Variants in MYH10 observed in about 807,000 individuals in gnomAD.
The protein encoded by MYH10 is myosin heavy chain 10.
In MYH10, 55 loss-of-function variants were observed where a neutral mutation model predicts 257.8. The ratio of observed to expected loss-of-function variants is 0.21; its 90% confidence interval spans 0.17 to 0.27. MYH10 has a LOEUF of 0.27. Among genes scored for constraint, MYH10 ranks in the 10% least tolerant of loss-of-function variants. The probability of loss-of-function intolerance (pLI) is 1.00; values close to 1 mark genes in which losing one functional copy is unlikely to be tolerated. For missense variants in MYH10, 1,631 were observed against 2,500.6 expected (o/e 0.65, Z 7.42); for synonymous variants, 854 against 921.7 (o/e 0.93, Z 1.33).
At chr17:8,609,901 GT>G (rs1360493770) in intron 2 of MYH10, among the ~76,000 whole-genome samples, 2 of 150,814 alleles carry the variant, frequency 1.3e-5, no homozygotes, top group Non-Finnish European at 3.0e-5. Flanking sequence ...AAAACACTCT[GT>G]AAAAAAAAAA....
chr17:8,566,297 C>G (rs1202988098), intron 7 of MYH10, among the ~76,000 whole-genome samples: 2 of 152,176 alleles, frequency 1.3e-5, no homozygotes, highest in African/African-American at 4.8e-5. Context: ...ATGATCCCCA[C>G]CTCTGGTATT....
chr17:8,487,702 T>C (rs1285509489), intron 35 of MYH10, 108 bp from the exon 36 acceptor site: 1 of 1,239,820 alleles, frequency 8.1e-7, no homozygotes, highest in Non-Finnish European at 1.1e-6. Context: ...AGTGGAAACT[T>C]CTGTTACTCT....
At chr17:8,505,345 G>A (rs1356734347) in intron 27 of MYH10, among the ~76,000 whole-genome samples, 1 of 152,236 alleles carries the variant, frequency 6.6e-6, no homozygotes, top group East Asian at 1.9e-4. Context: ...GTAGAAGAAA[G>A]AGGCTCTCAT....
At position 8,508,626 on chromosome 17, in the gene MYH10, C is replaced by T. The variant is rs2081155439; in HGVS notation, c.3142G>A (p.Glu1048Lys). 1 of 1,614,098 alleles carries T rather than the reference C, an allele frequency of 6.2e-7. No homozygotes were observed. Among genetic ancestry groups the T allele is most frequent in the Non-Finnish European group, 8.5e-7 (1 of 1,180,006 alleles). ...RIAECSSQLA[E>K]EEEKAKNLAK... Reference sequence around the variant, plus strand: ...AAGTTTTTCGCCTTTTCTTCCTCTTCAGCCAGCTGAGAGGAACACTCAGCA... The same window carrying T: ...AAGTTTTTCGCCTTTTCTTCCTCTTTAGCCAGCTGAGAGGAACACTCAGCA... Residue 1048 changes from glutamate to lysine, a missense_variant, in exon 26 of 43, where the codon GAA (glutamate) becomes AAA (lysine). By Grantham distance (56) the Glu-to-Lys change is moderately conservative. Around this residue, in one of 11 missense-constraint regions of MYH10, gnomAD observed 169 missense variants for 249.8 expected, o/e 0.68. Coordinates refer to ENST00000360416, the MANE Select transcript of MYH10 (RefSeq NM_001256012.3).
chr17:8,557,272 G>A (rs143379543), intron 7 of MYH10, among the ~76,000 whole-genome samples: 126 of 152,156 alleles, frequency 8.3e-4, no homozygotes, highest in Non-Finnish European at 1.5e-3. Context: ...TCAATATTAT[G>A]AGCATTCATT....
At chr17:8,594,918 T>C (rs2084304069) in intron 3 of MYH10, among the ~76,000 whole-genome samples, 1 of 152,220 alleles carries the variant, frequency 6.6e-6, no homozygotes, top group Admixed American at 6.5e-5. Context: ...CATCCATTAT[T>C]TTCCCCAATC....
chr17:8,557,766 C>A (rs2082855642), intron 7 of MYH10, among the ~76,000 whole-genome samples: 1 of 152,176 alleles, frequency 6.6e-6, no homozygotes, highest in Non-Finnish European at 1.5e-5. Flanking sequence ...ACTGATGCTA[C>A]ATAAGTTATC....
intron 30 of MYH10, among the ~76,000 whole-genome samples, chr17:8,498,890 C>A (rs1917097102): frequency 1.3e-5 from 2 of 152,196 alleles, no homozygotes; most frequent in South Asian, 4.2e-4. Flanking sequence ...CTAATTTATA[C>A]CAGCAGTGTA....
chr17:8,576,425 ATAAATAT>A (rs2083499444), intron 6 of MYH10, among the ~76,000 whole-genome samples: 1 of 152,236 alleles, frequency 6.6e-6, no homozygotes, highest in Non-Finnish European at 1.5e-5. Flanking sequence ...AAAAGGGCAA[ATAAATAT>A]TAAAATTTAT....
At chr17:8,555,495 T>C (rs1006361670) in intron 7 of MYH10, among the ~76,000 whole-genome samples, 3 of 152,198 alleles carry the variant, frequency 2.0e-5, no homozygotes, top group African/African-American at 7.2e-5. Flanking sequence ...GTAAGTTAAT[T>C]CATTTCAACA....
intron 3 of MYH10, among the ~76,000 whole-genome samples, chr17:8,596,153 C>CT (rs11347837): frequency 1.1e-3 from 120 of 110,390 alleles, no homozygotes; most frequent in African/African-American, 3.6e-3. Context: ...TATTTTCTGA[C>CT]TTTTTTTTTT....
chr17:8,617,984 C>T (rs2085330309), intron 2 of MYH10, among the ~76,000 whole-genome samples: 1 of 151,924 alleles, frequency 6.6e-6, no homozygotes, highest in Non-Finnish European at 1.5e-5. Flanking sequence ...TTTCATTTTC[C>T]AAAACAAAAG....
At chr17:8,543,303 C>G (rs998852742) in intron 13 of MYH10, among the ~76,000 whole-genome samples, 3 of 152,124 alleles carry the variant, frequency 2.0e-5, no homozygotes, top group Non-Finnish European at 4.4e-5. Flanking sequence ...TGAGGTCATG[C>G]AAGGAGGGCA....
intron 21 of MYH10, among the ~76,000 whole-genome samples, chr17:8,518,029 T>C (rs1774427685): frequency 6.8e-6 from 1 of 147,032 alleles, no homozygotes. Context: ...TGGCCCCGTG[T>C]GTGTGTGTGT....
intron 8 of MYH10, among the ~76,000 whole-genome samples, chr17:8,553,376 T>C (rs917276213): frequency 3.3e-5 from 5 of 152,236 alleles, no homozygotes; most frequent in African/African-American, 1.2e-4. Flanking sequence ...ATCTTTCTAA[T>C]TGGCACACTA....
At chr17:8,576,890 C>G (rs112095120) in intron 5 of MYH10, among the ~76,000 whole-genome samples, 149 of 152,288 alleles carry the variant, frequency 9.8e-4, no homozygotes, top group African/African-American at 3.2e-3. Context: ...ATCACTTCTT[C>G]CCATATCTCT....
chr17:8,551,608 G>T (rs951556131), intron 9 of MYH10, among the ~76,000 whole-genome samples: 4 of 152,084 alleles, frequency 2.6e-5, no homozygotes, highest in African/African-American at 9.7e-5. Context: ...TGTGATCCCT[G>T]ACATTCAATC....
In MYH10 at chr17:8,506,428, G is replaced by A. The variant is rs138732743; in HGVS notation, c.3276C>T (p.Asp1092=). Residue 1092 remains aspartate, a synonymous_variant, in exon 27 of 43, where the codon GAC becomes GAT. Coordinates refer to ENST00000360416, the MANE Select transcript of MYH10 (RefSeq NM_001256012.3). The surrounding 1 kb of genome is among the most constrained non-coding windows in gnomAD (Gnocchi z 5.0). ...GGTCCTGCAGGTCGGTCGTCTCCCC[G>A]TCGAGTTTTCTTTTGGCCTTTTCCA... ...QELEKAKRKL[D]GETTDLQDQI... The A allele has an allele frequency of 1.1e-5, 17 of 1,612,630 alleles. 1 individual carries two copies. The highest frequency in any genetic ancestry group is 3.3e-4 in the Middle Eastern group (2 of 6,078).
chr17:8,509,431 G>C (rs1455451709), intron 25 of MYH10, among the ~76,000 whole-genome samples: 1 of 152,200 alleles, frequency 6.6e-6, no homozygotes, highest in Non-Finnish European at 1.5e-5. Flanking sequence ...TACTCCAAAA[G>C]GGCAGAAAGG....
Sources: allele counts gnomAD v4.1 joint callset (sites outside exome capture counted in the v4.1 genomes callset), GRCh38; gene constraint gnomAD v4.1.1; regional missense constraint gnomAD v4.1.1; non-coding constraint Gnocchi (gnomAD v3.1); transcripts MANE v1.5; gene names NCBI Gene and HGNC (gene_info 2026-07-23, HGNC 2026-07-21).